The following LANCL3 variants were observed in gnomAD, a reference collection of about 807,000 sequenced individuals.
The protein encoded by LANCL3 is lanC-like protein 3.
LANCL3 carries 19 observed loss-of-function variants against 26.5 expected under a neutral mutation model. The observed-to-expected ratio is 0.72, with a 90% CI of 0.50 to 1.05. The LOEUF (loss-of-function observed/expected upper bound fraction) is 1.05, where lower values mean the gene tolerates loss of function less well. LANCL3 is among the 50% of genes least tolerant of loss of function. The pLI, the probability that LANCL3 is intolerant of heterozygous loss-of-function variation, is 0.00. For missense variants in LANCL3, 318 were observed against 362.7 expected (o/e 0.88, Z 1.00); for synonymous variants, 160 against 166.6 (o/e 0.96, Z 0.30).
rs1448396672 is a variant in LANCL3 at position 37,629,655 on chromosome X, C to A, written c.574-26033C>A. 1.6e-3 allele frequency among the ~76,000 whole-genome samples: 177 copies of A among 109,172 alleles called. 1 individual carries two copies. The highest frequency in any genetic ancestry group is 5.5e-3 in the African/African-American group (164 of 29,554). The allele number at this position is 109,172 out of a possible 115,157, so 94.8% of individuals were successfully genotyped here. A position where few individuals can be genotyped will look rare whatever the true frequency, so the allele number is the denominator to read the frequency against. On this transcript the variant is annotated intron_variant, in intron 1 of 4. Coordinates refer to ENST00000378619, the MANE Select transcript of LANCL3 (RefSeq NM_001170331.2). ...GTGTAAGGAAGGGATCCAGTTTCAG[C>A]TTTCTACATATGGCTAGCCAGTTTT...
chrX:37,613,274 A>G (rs782031659), intron 1 of LANCL3, among the ~76,000 whole-genome samples: 1 of 111,080 alleles, frequency 9.0e-6, no homozygotes, highest in South Asian at 3.8e-4. Context: ...TCAAGGAGGC[A>G]GGGGCTCTGT....
chrX:37,658,072 C>T (rs782539385), intron 2 of LANCL3, among the ~76,000 whole-genome samples: 1 of 111,839 alleles, frequency 8.9e-6, no homozygotes, highest in Non-Finnish European at 1.9e-5. Context: ...TTTCCAAAGG[C>T]AGGTTCAGGC....
intron 1 of LANCL3, among the ~76,000 whole-genome samples, chrX:37,610,389 G>A (rs1421910929): frequency 8.9e-6 from 1 of 112,094 alleles, no homozygotes; most frequent in Non-Finnish European, 1.9e-5. Flanking sequence ...AGGCTCAATG[G>A]GAAAGAGAGT....
chrX:37,653,540 G>A (rs996273552), intron 1 of LANCL3, among the ~76,000 whole-genome samples: 1 of 112,351 alleles, frequency 8.9e-6, no homozygotes, highest in African/African-American at 3.2e-5. Flanking sequence ...GTCCAATTAA[G>A]TGCATGCCCT....
intron 1 of LANCL3, among the ~76,000 whole-genome samples, chrX:37,637,919 C>CACCTGAATGAGGCTGA (rs1361998775): frequency 9.9e-5 from 11 of 110,892 alleles, no homozygotes; most frequent in Admixed American, 1.9e-4. Flanking sequence ...TGTGTAAACA[C>CACCTGAATGAGGCTGA]ACCTGAATGA....
At chrX:37,674,678 A>G (rs1926754800) in intron 4 of LANCL3, among the ~76,000 whole-genome samples, 1 of 112,016 alleles carries the variant, frequency 8.9e-6, no homozygotes, top group African/African-American at 3.2e-5. Flanking sequence ...AATTGTAACA[A>G]ATATAATTAC....
At chrX:37,647,512 C>T (rs1185909955) in intron 1 of LANCL3, among the ~76,000 whole-genome samples, 3 of 112,056 alleles carry the variant, frequency 2.7e-5, no homozygotes, top group Non-Finnish European at 5.6e-5. Context: ...GCCTATCCTA[C>T]CAACAGGATG....
intron 1 of LANCL3, among the ~76,000 whole-genome samples, chrX:37,587,236 AG>A (rs1319317889): frequency 8.9e-6 from 1 of 112,808 alleles, no homozygotes; most frequent in Non-Finnish European, 1.9e-5. Flanking sequence ...TAGCCTACTC[AG>A]GGGTCAGGGA....
chrX:37,594,070 A>G (rs1340807408), intron 1 of LANCL3, among the ~76,000 whole-genome samples: 1 of 111,591 alleles, frequency 9.0e-6, no homozygotes, highest in Non-Finnish European at 1.9e-5. Context: ...TTAAGCTTCT[A>G]CCCAGTGAGA....
chrX:37,617,220 A>G (rs1282566441), intron 1 of LANCL3, among the ~76,000 whole-genome samples: 1 of 111,028 alleles, frequency 9.0e-6, no homozygotes, highest in Non-Finnish European at 1.9e-5. Context: ...GGATGAAGAA[A>G]TGCTGTCAGT....
At chrX:37,639,202 T>C (rs906747456) in intron 1 of LANCL3, among the ~76,000 whole-genome samples, 8 of 101,270 alleles carry the variant, frequency 7.9e-5, no homozygotes, top group Non-Finnish European at 1.2e-4. Flanking sequence ...TACACACACA[T>C]ATATACATGT....
intron 3 of LANCL3, among the ~76,000 whole-genome samples, chrX:37,659,982 T>A (rs1474442429): frequency 1.8e-5 from 2 of 111,891 alleles, no homozygotes; most frequent in African/African-American, 6.5e-5. Context: ...CAAATTAATT[T>A]TAATAATATA....
chrX:37,598,069 T>C (rs1924485825), intron 1 of LANCL3, among the ~76,000 whole-genome samples: 1 of 111,178 alleles, frequency 9.0e-6, no homozygotes, highest in Non-Finnish European at 1.9e-5. Context: ...GAGTCCCTTA[T>C]CAGAAATATG....
intron 4 of LANCL3, chrX:37,668,257 C>CTATATA (rs200578896): frequency 0.013 from 1,767 of 136,443 alleles, 43 homozygotes; most frequent in African/African-American, 0.063. Context: ...AATTGCTGGA[C>CTATATA]TATATATATA....
intron 1 of LANCL3, among the ~76,000 whole-genome samples, chrX:37,651,612 T>A (rs189015218): frequency 9.0e-6 from 1 of 111,439 alleles, no homozygotes; most frequent in Admixed American, 9.5e-5. Context: ...GCAAGTTTTT[T>A]TTTTTATACT....
intron 1 of LANCL3, among the ~76,000 whole-genome samples, chrX:37,602,292 C>T (rs1556420097): frequency 8.9e-6 from 1 of 112,074 alleles, no homozygotes; most frequent in Non-Finnish European, 1.9e-5. Context: ...TATGGCAGCT[C>T]CCCTTATTCT....
At chrX:37,668,441 C>A in intron 4 of LANCL3, 1 of 393,287 alleles carries the variant, frequency 2.5e-6, no homozygotes, top group Non-Finnish European at 4.6e-6. Context: ...ATAGATATTA[C>A]CTCTGACTGG....
chrX:37,593,215 C>A (rs1556419183), intron 1 of LANCL3, among the ~76,000 whole-genome samples: 1 of 111,297 alleles, frequency 9.0e-6, no homozygotes, highest in African/African-American at 3.3e-5. Context: ...CAGGGAACTT[C>A]CAGGGTGGTC....
At chrX:37,665,838 T>C (rs1926532950) in intron 3 of LANCL3, among the ~76,000 whole-genome samples, 1 of 112,650 alleles carries the variant, frequency 8.9e-6, no homozygotes, top group Non-Finnish European at 1.9e-5. Context: ...ATGCCCATGA[T>C]TCCAGCCTTG....
Sources: allele counts gnomAD v4.1 joint callset (sites outside exome capture counted in the v4.1 genomes callset), GRCh38; gene constraint gnomAD v4.1.1; transcripts MANE v1.5; gene names NCBI Gene and HGNC (gene_info 2026-07-23, HGNC 2026-07-21).